RHBDL3: variants seen among roughly 807,000 people sequenced by gnomAD.
RHBDL3 encodes rhomboid-related protein 3.
In RHBDL3, 28 loss-of-function variants were observed where a neutral mutation model predicts 48.2. That is an observed-to-expected ratio of 0.58 (90% confidence interval 0.43 to 0.80). The LOEUF is 0.80. RHBDL3 is among the 30% of genes least tolerant of loss of function. RHBDL3 has a pLI of 0.00. For missense variants in RHBDL3, 464 were observed against 542.7 expected (o/e 0.85, Z 1.44); for synonymous variants, 208 against 232.3 (o/e 0.90, Z 0.95).
chr17:32,308,906 A>G (rs971205918), intron 7 of RHBDL3, among the ~76,000 whole-genome samples: 10 of 152,018 alleles, frequency 6.6e-5, no homozygotes, highest in Non-Finnish European at 1.5e-5. Context: ...TTTCTACTAA[A>G]AACACCAAAA....
In RHBDL3 at chr17:32,298,210, C is replaced by T. The variant is rs1329523818; in HGVS notation, c.781+6C>T. The T allele has an allele frequency of 6.3e-7, 1 of 1,596,082 alleles. No homozygotes were observed. The highest frequency in any genetic ancestry group is 8.6e-7 in the Non-Finnish European group (1 of 1,164,254). Reference sequence around the variant, plus strand: ...CGTGGCCGGTGTTGTGGCAGGTAGGCAGGTAGGCCCCGTGTCCACAAAGGC... The same window carrying T: ...CGTGGCCGGTGTTGTGGCAGGTAGGTAGGTAGGCCCCGTGTCCACAAAGGC... On this transcript the variant is annotated splice_donor_region_variant and intron_variant, in intron 6 of 8. Coordinates refer to ENST00000269051, the MANE Select transcript of RHBDL3 (RefSeq NM_138328.3).
At chr17:32,309,859 A>C (rs1399898852) in intron 7 of RHBDL3, among the ~76,000 whole-genome samples, 1 of 143,106 alleles carries the variant, frequency 7.0e-6, no homozygotes, top group East Asian at 2.2e-4. Context: ...GGGTCACCAC[A>C]ACCTCCACCT....
chr17:32,321,439 G>GT lies in RHBDL3; in HGVS notation c.*215dup. On this transcript the variant is annotated 3_prime_UTR_variant, in exon 9 of 9. Coordinates refer to ENST00000269051, the MANE Select transcript of RHBDL3 (RefSeq NM_138328.3). ...CGGAGGAGTTGATGTGGCTGCTGTC[G>GT]TTTTTCTCGGCTGCTCTGATGACAT... 1 of 1,418,422 alleles carries GT rather than the reference G, an allele frequency of 7.1e-7. No individual in the cohort carries two copies. The highest frequency in any genetic ancestry group is 1.3e-5 in the South Asian group (1 of 75,838). 87.9% of individuals were successfully genotyped at this position (1,418,422 alleles called of 1,614,324 possible).
At chr17:32,272,202 A>G (rs1378595896) in intron 2 of RHBDL3, among the ~76,000 whole-genome samples, 1 of 152,258 alleles carries the variant, frequency 6.6e-6, no homozygotes, top group Non-Finnish European at 1.5e-5. Flanking sequence ...CACAAGGACC[A>G]CTTCTGAGAT....
At chr17:32,292,770 C>T (rs1412497862) in intron 4 of RHBDL3, among the ~76,000 whole-genome samples, 2 of 145,176 alleles carry the variant, frequency 1.4e-5, no homozygotes, top group African/African-American at 5.2e-5. Context: ...CCACTGCACT[C>T]CAGCCTGGGC....
intron 6 of RHBDL3, among the ~76,000 whole-genome samples, chr17:32,299,372 G>A (rs941223270): frequency 4.6e-5 from 7 of 152,110 alleles, no homozygotes; most frequent in South Asian, 2.1e-4. Context: ...GGTTAAAATC[G>A]TTGGCCACCT....
intron 3 of RHBDL3, chr17:32,288,408 T>A: frequency 4.6e-6 from 1 of 215,384 alleles, no homozygotes; most frequent in Non-Finnish European, 9.4e-6. Context: ...CAGTAAATTG[T>A]GATGGATGGA....
In RHBDL3 at chr17:32,321,591, C is replaced by A. The variant is rs749727965; in HGVS notation, c.*362C>A. 47 of 409,574 alleles carry A rather than the reference C, an allele frequency of 1.1e-4. No individual in the cohort carries two copies. Among genetic ancestry groups the A allele is most frequent in the Non-Finnish European group, 1.9e-4 (41 of 217,128 alleles). The allele number at this position is 409,574 out of a possible 1,614,324, so 25.4% of individuals were successfully genotyped here. A position where few individuals can be genotyped will look rare whatever the true frequency, so the allele number is the denominator to read the frequency against. ...ATTGAGCAGCAGCTTCTTCCTCCTC[C>A]TCTACCCTCAGAGACCCTAAGAGAC... On this transcript the variant is annotated 3_prime_UTR_variant, in exon 9 of 9. Coordinates refer to ENST00000269051, the MANE Select transcript of RHBDL3 (RefSeq NM_138328.3).
At chr17:32,291,512 C>T (rs934125909) in intron 4 of RHBDL3, among the ~76,000 whole-genome samples, 20 of 151,408 alleles carry the variant, frequency 1.3e-4, no homozygotes, top group African/African-American at 4.9e-4. Context: ...AAAACCCCGT[C>T]TCTACTAAAA....
At chr17:32,273,471 G>T (rs1034288199) in intron 2 of RHBDL3, among the ~76,000 whole-genome samples, 2 of 152,232 alleles carry the variant, frequency 1.3e-5, no homozygotes, top group African/African-American at 4.8e-5. Flanking sequence ...AAGGCAGGTG[G>T]AGAGGACACA....
chr17:32,274,490 A>G (rs2039847924), intron 2 of RHBDL3, among the ~76,000 whole-genome samples: 1 of 152,204 alleles, frequency 6.6e-6, no homozygotes, highest in African/African-American at 2.4e-5. Context: ...CAAACATTGA[A>G]TGTCTAACTG....
At chr17:32,293,684 T>G (rs934601649) in intron 4 of RHBDL3, among the ~76,000 whole-genome samples, 1 of 152,054 alleles carries the variant, frequency 6.6e-6, no homozygotes, top group African/African-American at 2.4e-5. Flanking sequence ...ATCTCCCAAG[T>G]GGGTGCGTGA....
chr17:32,280,986 C>T (rs28639389), intron 2 of RHBDL3: 42,848 of 152,606 alleles, frequency 0.28, 6,738 homozygotes, highest in African/African-American at 0.43. Flanking sequence ...CCCAGGCAGC[C>T]GGCCCATTGC....
At chr17:32,288,351 G>A (rs1158837147) in intron 3 of RHBDL3, 2 of 180,902 alleles carry the variant, frequency 1.1e-5, no homozygotes, top group South Asian at 1.3e-4. Context: ...GAGCACCACC[G>A]TATCCCTCCC....
intron 7 of RHBDL3, among the ~76,000 whole-genome samples, chr17:32,313,752 T>A (rs866018526): frequency 2.7e-5 from 1 of 37,250 alleles, no homozygotes; most frequent in Non-Finnish European, 6.3e-5. Context: ...ATTCCCTCCC[T>A]TTTTTTTTTT....
intron 2 of RHBDL3, among the ~76,000 whole-genome samples, chr17:32,269,019 A>C (rs925807128): frequency 6.6e-6 from 1 of 152,152 alleles, no homozygotes; most frequent in African/African-American, 2.4e-5. Flanking sequence ...GGAACCACAT[A>C]TCTAACTTTG....
chr17:32,303,445 T>G (rs916789832), intron 6 of RHBDL3, among the ~76,000 whole-genome samples: 1 of 152,206 alleles, frequency 6.6e-6, no homozygotes, highest in East Asian at 1.9e-4. Flanking sequence ...CTGCTGCCTG[T>G]TTGTTTGCCA....
chr17:32,293,347 C>T (rs2040377123), intron 4 of RHBDL3, among the ~76,000 whole-genome samples: 1 of 151,928 alleles, frequency 6.6e-6, no homozygotes, highest in African/African-American at 2.4e-5. Flanking sequence ...TTTGGGAGGC[C>T]GAGGTGGGCA....
chr17:32,272,234 A>T (rs2039788361), intron 2 of RHBDL3, among the ~76,000 whole-genome samples: 1 of 152,266 alleles, frequency 6.6e-6, no homozygotes, highest in South Asian at 2.1e-4. Flanking sequence ...CGGGGAAGGC[A>T]GCTCCTCAAC....
Sources: allele counts gnomAD v4.1 joint callset (sites outside exome capture counted in the v4.1 genomes callset), GRCh38; gene constraint gnomAD v4.1.1; transcripts MANE v1.5; gene names NCBI Gene and HGNC (gene_info 2026-07-23, HGNC 2026-07-21).